The following CRLS1 variants were observed in gnomAD, a reference collection of about 807,000 sequenced individuals.
CRLS1 encodes the protein cardiolipin synthase (CMP-forming).
A neutral mutation model predicts 37.0 loss-of-function variants in CRLS1; 24 were observed. The observed-to-expected ratio is 0.65, with a 90% CI of 0.47 to 0.91. The LOEUF (loss-of-function observed/expected upper bound fraction) is 0.91. Ranked by LOEUF, CRLS1 falls within the 40% of genes least tolerant of loss-of-function variation. The probability of loss-of-function intolerance (pLI) is 0.00; values close to 1 mark genes in which losing one functional copy is unlikely to be tolerated. For missense variants in CRLS1, 373 were observed against 395.8 expected, an observed-to-expected ratio of 0.94 and a Z score of 0.49; for synonymous variants, 135 against 159.7, an observed-to-expected ratio of 0.85 and a Z score of 1.17.
chr20:6,039,261 T>TTGTGTGTGTGTG lies in CRLS1; in HGVS notation c.*2135_*2146dup, dbSNP rs57347731. ...CACCAACTGTGCTTTGCAGTTTTGT[T>TTGTGTGTGTGTG]TGTGTGTGTGTGTGTGTGTGTGTGT... On this transcript the variant is annotated 3_prime_UTR_variant, in exon 7 of 7. Coordinates refer to ENST00000378863, the MANE Select transcript of CRLS1 (RefSeq NM_019095.6). The TTGTGTGTGTGTG allele has an allele frequency of 1.0e-4, 15 of 147,962 alleles. No individual in the cohort carries two copies. The highest frequency in any genetic ancestry group is 2.2e-4 in the South Asian group (1 of 4,630). 9.2% of individuals were successfully genotyped at this position (147,962 alleles called of 1,614,324 possible). A position where few individuals can be genotyped will look rare whatever the true frequency, so the allele number is the denominator to read the frequency against.
rs1420132664 is a variant in CRLS1, at chr20:6,006,298, G to T, written c.52G>T (p.Ala18Ser). ...RGSWGALRGAAWAPGTRPSKR... is the reference protein window; with the variant it reads ...RGSWGALRGASWAPGTRPSKR... ...CTCGTGGGGGGCCCTGCGCGGCGCC[G>T]CTTGGGCTCCGGGAACGCGGCCGAG... The change falls in exon 1 of 7, where the codon GCT becomes TCT. Residue 18 changes from alanine (A) to serine (S), a missense_variant. By Grantham distance (99) the Ala-to-Ser change is moderately conservative. Coordinates refer to ENST00000378863, the MANE Select transcript of CRLS1 (RefSeq NM_019095.6). 2.3e-6 allele frequency: 3 copies of T among 1,306,218 alleles called. No homozygotes were observed. Among genetic ancestry groups the T allele is most frequent in the Non-Finnish European group, 2.9e-6 (3 of 1,029,658 alleles). The allele number at this position is 1,306,218 out of a possible 1,614,324, so 80.9% of individuals were successfully genotyped here.
intron 3 of CRLS1, among the ~76,000 whole-genome samples, chr20:6,025,626 T>A (rs1979616431): frequency 6.6e-6 from 1 of 152,348 alleles, no homozygotes; most frequent in Admixed American, 6.5e-5. Context: ...GTGATTCCTC[T>A]GATGGATCTG....
intron 5 of CRLS1, among the ~76,000 whole-genome samples, chr20:6,032,999 T>C (rs1980287885): frequency 6.6e-6 from 1 of 152,114 alleles, no homozygotes; most frequent in Non-Finnish European, 1.5e-5. Context: ...TAGCGTTACA[T>C]GGAAAGTGCT....
At chr20:6,034,393 T>G (rs1336341962) in intron 5 of CRLS1, 71 bp from the exon 6 acceptor site, 6 of 1,047,530 alleles carry the variant, frequency 5.7e-6, no homozygotes, top group Non-Finnish European at 8.8e-6. Context: ...TGGGCTGTGC[T>G]TTTGTCTTGA....
intron 1 of CRLS1, among the ~76,000 whole-genome samples, chr20:6,009,492 C>T (rs548364505): frequency 2.6e-5 from 4 of 151,888 alleles, no homozygotes; most frequent in African/African-American, 9.7e-5. Flanking sequence ...GTCTCTAATT[C>T]CTGGGCTTAA....
chr20:6,011,571 G>GCCTT (rs201052934), intron 2 of CRLS1, among the ~76,000 whole-genome samples: 1 of 42,624 alleles, frequency 2.3e-5, no homozygotes, highest in African/African-American at 6.6e-5. Context: ...TTTTGTCCCT[G>GCCTT]CTTTTTTTTT....
rs754284826 is a variant in CRLS1, at chr20:6,009,372, C to T, written c.307-403C>T. The stretch of plus-strand genomic sequence containing the variant: ...AAGGAAACCTATAATATGTAAGACA[C>T]CTTACCCTGTGTTTCGGTACATGAT... On this transcript the variant is annotated intron_variant, in intron 1 of 6. Coordinates refer to ENST00000378863, the MANE Select transcript of CRLS1 (RefSeq NM_019095.6). Among the ~76,000 whole-genome samples, 49 of 151,902 alleles carry T rather than the reference C, an allele frequency of 3.2e-4. 1 individual carries two copies. The highest frequency in any genetic ancestry group is 2.2e-3 in the Admixed American group (34 of 15,238).
chr20:6,035,099 G>A (rs1980449351), intron 6 of CRLS1, among the ~76,000 whole-genome samples: 1 of 152,192 alleles, frequency 6.6e-6, no homozygotes, highest in South Asian at 2.1e-4. Flanking sequence ...TGACATTGGA[G>A]TATTATATTT....
At chr20:6,036,711 T>C (rs947592613) in intron 6 of CRLS1, among the ~76,000 whole-genome samples, 1 of 151,450 alleles carries the variant, frequency 6.6e-6, no homozygotes, top group Non-Finnish European at 1.5e-5. Flanking sequence ...GATGAGTCCT[T>C]CTGGAGGATG....
At chr20:6,035,452 G>C (rs993657178) in intron 6 of CRLS1, among the ~76,000 whole-genome samples, 33 of 151,956 alleles carry the variant, frequency 2.2e-4, no homozygotes, top group African/African-American at 7.5e-4. Flanking sequence ...GAACTGTTTA[G>C]ATATTTTCCC....
intron 5 of CRLS1, 65 bp downstream of exon 5, chr20:6,032,145 C>T (rs1980213003): frequency 7.8e-7 from 1 of 1,276,712 alleles, no homozygotes; most frequent in South Asian, 1.2e-5. Flanking sequence ...GGATATAAAC[C>T]TTAGTCAAGA....
At chr20:6,030,284 T>C (rs1030103727) in intron 3 of CRLS1, among the ~76,000 whole-genome samples, 3 of 152,198 alleles carry the variant, frequency 2.0e-5, no homozygotes, top group African/African-American at 7.2e-5. Flanking sequence ...TGGGTATTTA[T>C]TTTAAAATAT....
chr20:6,027,941 CT>C (rs1343575597), intron 3 of CRLS1, among the ~76,000 whole-genome samples: 2 of 152,188 alleles, frequency 1.3e-5, no homozygotes, highest in African/African-American at 4.8e-5. Flanking sequence ...GGTTTTGGCT[CT>C]TCTCACCTTA....
intron 4 of CRLS1, 110 bp downstream of exon 4, chr20:6,031,480 C>T (rs549940488): frequency 2.8e-6 from 2 of 706,254 alleles, no homozygotes; most frequent in Non-Finnish European, 2.3e-6. Context: ...ACGTGAAACC[C>T]AGACTAGCCA....
At position 6,006,271 on chromosome 20, in the gene CRLS1, G is replaced by A; in HGVS notation, c.25G>A (p.Gly9Ser). The change falls in exon 1 of 7, where the codon GGC (glycine) becomes AGC (serine). Residue 9 changes from glycine to serine, a missense_variant. Transcript: ENST00000378863. MLALRVAR[G>S]SWGALRGAAW... ...CATGCTAGCCTTGCGCGTGGCGCGC[G>A]GCTCGTGGGGGGCCCTGCGCGGCGC... is the stretch of plus-strand genomic sequence containing the variant. 8.0e-7 allele frequency: 1 copy of A among 1,254,086 alleles called. No individual in the cohort carries two copies. Among genetic ancestry groups the A allele is most frequent in the Non-Finnish European group, 1.0e-6 (1 of 1,003,042 alleles). 77.7% of individuals were successfully genotyped at this position (1,254,086 alleles called of 1,614,324 possible).
intron 3 of CRLS1, among the ~76,000 whole-genome samples, chr20:6,022,466 G>A (rs368645246): frequency 2.4e-4 from 36 of 151,002 alleles, no homozygotes; most frequent in African/African-American, 8.3e-4. Flanking sequence ...AGCCTTCTGA[G>A]TAGCTGGGAC....
intron 5 of CRLS1, among the ~76,000 whole-genome samples, chr20:6,033,721 C>G (rs1301605293): frequency 6.6e-6 from 1 of 152,074 alleles, no homozygotes; most frequent in Non-Finnish European, 1.5e-5. Context: ...CGCTGTCTGC[C>G]CAGCCTTGAG....
intron 3 of CRLS1, 60 bp from the exon 4 acceptor site, chr20:6,031,225 A>C (rs951102647): frequency 3.7e-6 from 4 of 1,072,104 alleles, no homozygotes; most frequent in Non-Finnish European, 5.5e-6. Context: ...TATTGTATTC[A>C]TAATGCATAT....
At chr20:6,019,795 A>G (rs1484003860) in intron 3 of CRLS1, among the ~76,000 whole-genome samples, 3 of 147,064 alleles carry the variant, frequency 2.0e-5, no homozygotes, top group Non-Finnish European at 4.5e-5. Context: ...CTGAGTAGCT[A>G]GGATTACAGG....
Sources: allele counts gnomAD v4.1 joint callset (sites outside exome capture counted in the v4.1 genomes callset), GRCh38; gene constraint gnomAD v4.1.1; transcripts MANE v1.5; gene names NCBI Gene and HGNC (gene_info 2026-07-23, HGNC 2026-07-21).